Variants in VPS13A observed in about 807,000 individuals in gnomAD.
VPS13A encodes the protein vacuolar protein sorting 13 homolog A.
VPS13A carries 264 observed loss-of-function variants against 390.9 expected under a neutral mutation model. The observed-to-expected ratio is 0.68, with a 90% CI of 0.61 to 0.75. The LOEUF (loss-of-function observed/expected upper bound fraction) is 0.75. Among genes scored for constraint, VPS13A ranks in the 30% least tolerant of loss-of-function variants. The pLI is 0.00. For missense variants in VPS13A, 3,409 were observed against 3,733.9 expected (o/e 0.91, Z 2.27); for synonymous variants, 1,231 against 1,227.1 (o/e 1.00, Z -0.07).
At chr9:77,371,617 T>A (rs1832754704) in intron 67 of VPS13A, among the ~76,000 whole-genome samples, 1 of 152,058 alleles carries the variant, frequency 6.6e-6, no homozygotes, top group Admixed American at 6.6e-5. Flanking sequence ...AGCACTACAA[T>A]ATGGCAGGTT....
intron 10 of VPS13A, among the ~76,000 whole-genome samples, chr9:77,218,075 A>G (rs1418203798): frequency 6.8e-6 from 1 of 147,998 alleles, no homozygotes; most frequent in Non-Finnish European, 1.5e-5. Flanking sequence ...GGCCATTTGC[A>G]TATCTTCTTT....
At chr9:77,299,113 T>A (rs1468744631) in intron 33 of VPS13A, among the ~76,000 whole-genome samples, 1 of 152,224 alleles carries the variant, frequency 6.6e-6, no homozygotes, top group Admixed American at 6.5e-5. Context: ...TTTCCATTGG[T>A]CTATATATCC....
chr9:77,185,153 T>C (rs1424382917), intron 1 of VPS13A, among the ~76,000 whole-genome samples: 3 of 151,912 alleles, frequency 2.0e-5, no homozygotes, highest in Non-Finnish European at 2.9e-5. Flanking sequence ...ATCTCTTTTT[T>C]TTTTTTTGAG....
intron 16 of VPS13A, among the ~76,000 whole-genome samples, chr9:77,227,880 T>C (rs1412865591): frequency 1.3e-5 from 2 of 152,016 alleles, no homozygotes; most frequent in African/African-American, 4.8e-5. Context: ...TTTAATCCTT[T>C]CAAAAATATA....
chr9:77,368,137 G>T lies in VPS13A; in HGVS notation c.8553+1G>T, dbSNP rs1280579786. On this transcript the variant is annotated splice_donor_variant, in intron 62 of 71. Transcript: ENST00000360280. LOFTEE classifies it high-confidence loss of function. Reference sequence around the variant, plus strand: ...AGTCATAAGACACTATTCAAAACAGGTTTGTCTAAGATTATATTACAGAGG... The same window carrying T: ...AGTCATAAGACACTATTCAAAACAGTTTTGTCTAAGATTATATTACAGAGG... The T allele has an allele frequency of 1.2e-6, 2 of 1,609,058 alleles. No homozygotes were observed.
intron 67 of VPS13A, among the ~76,000 whole-genome samples, chr9:77,373,797 A>G (rs1056060522): frequency 2.0e-5 from 3 of 151,796 alleles, no homozygotes; most frequent in Non-Finnish European, 2.9e-5. Flanking sequence ...CAAGAAAAAA[A>G]CAAACAACCC....
chr9:77,343,037 C>CT (rs1409053792), intron 50 of VPS13A, among the ~76,000 whole-genome samples: 1 of 152,162 alleles, frequency 6.6e-6, no homozygotes, highest in Admixed American at 6.5e-5. Flanking sequence ...TGTGAAGTGA[C>CT]TATACCCTTG....
intron 45 of VPS13A, among the ~76,000 whole-genome samples, chr9:77,331,491 T>G (rs534532452): frequency 6.6e-6 from 1 of 152,170 alleles, no homozygotes; most frequent in East Asian, 1.9e-4. Flanking sequence ...ATCTGTTTAT[T>G]GGTCAGTTTT....
chr9:77,215,529 A>T (rs1443337280), intron 10 of VPS13A, among the ~76,000 whole-genome samples: 1 of 152,196 alleles, frequency 6.6e-6, no homozygotes, highest in Admixed American at 6.5e-5. Flanking sequence ...TTGTTGTATC[A>T]GAGTTCAGTG....
chr9:77,408,539 T>C (rs1834740006), intron 71 of VPS13A, among the ~76,000 whole-genome samples: 1 of 152,188 alleles, frequency 6.6e-6, no homozygotes. Context: ...TTCCCTTTCC[T>C]AGTCAAAGAA....
chr9:77,192,866 C>T (rs1472605728), intron 1 of VPS13A, among the ~76,000 whole-genome samples: 5 of 152,016 alleles, frequency 3.3e-5, no homozygotes, highest in Non-Finnish European at 5.9e-5. Context: ...CTATGAATTT[C>T]CTGAATTTGC....
chr9:77,312,471 G>A (rs890446564), intron 35 of VPS13A, among the ~76,000 whole-genome samples: 2 of 150,832 alleles, frequency 1.3e-5, no homozygotes, highest in African/African-American at 4.9e-5. Flanking sequence ...TTGTCACCCA[G>A]GCTGGAGTGC....
rs1197753597 is a variant in VPS13A, at chr9:77,419,392, T to C, written c.*3386T>C. The C allele has an allele frequency of 1.3e-5, 2 of 152,318 alleles. No individual in the cohort carries two copies. The highest frequency in any genetic ancestry group is 2.1e-4 in the South Asian group (1 of 4,828). 9.4% of individuals were successfully genotyped at this position (152,318 alleles called of 1,614,324 possible). On this transcript the variant is annotated 3_prime_UTR_variant, in exon 72 of 72. Coordinates refer to ENST00000360280, the MANE Select transcript of VPS13A (RefSeq NM_033305.3). ...GTATACTGGGTCACAATATAAAGTG[T>C]TTCCTGTTATGAAATGCAATTTAAA...
intron 24 of VPS13A, 39 bp downstream of exon 24, chr9:77,273,403 T>A: frequency 6.8e-7 from 1 of 1,476,672 alleles, no homozygotes; most frequent in Non-Finnish European, 9.2e-7. Context: ...TCTTATTTTA[T>A]TAAAATAATT....
At chr9:77,382,138 T>A (rs1195695889) in intron 68 of VPS13A, 51 bp downstream of exon 68, 1 of 1,470,842 alleles carries the variant, frequency 6.8e-7, no homozygotes. Flanking sequence ...CAAGTTAGAT[T>A]TTTTTTAAGT....
At chr9:77,403,140 A>T (rs1455703230) in intron 68 of VPS13A, 96 bp from the exon 69 acceptor site, 2 of 817,504 alleles carry the variant, frequency 2.4e-6, no homozygotes, top group Non-Finnish European at 2.1e-6. Context: ...GGTTTGCCCC[A>T]TTGAGAAATG....
chr9:77,307,030 C>T (rs568740891), intron 34 of VPS13A, among the ~76,000 whole-genome samples: 2 of 152,028 alleles, frequency 1.3e-5, no homozygotes, highest in East Asian at 3.9e-4. Flanking sequence ...CTTCAGCCAC[C>T]TGAGTAGCTG....
chr9:77,331,353 G>C (rs1830265539), intron 45 of VPS13A, among the ~76,000 whole-genome samples: 1 of 151,930 alleles, frequency 6.6e-6, no homozygotes, highest in South Asian at 2.1e-4. Flanking sequence ...GTGAGTTCCT[G>C]TTCACATCAT....
chr9:77,375,108 A>C (rs180758978), intron 67 of VPS13A, among the ~76,000 whole-genome samples: 17 of 152,270 alleles, frequency 1.1e-4, no homozygotes, highest in Middle Eastern at 3.4e-3. Context: ...AAGTCAATGA[A>C]ACGTAAGGAA....
Sources: allele counts gnomAD v4.1 joint callset (sites outside exome capture counted in the v4.1 genomes callset), GRCh38; gene constraint gnomAD v4.1.1; transcripts MANE v1.5; gene names NCBI Gene and HGNC (gene_info 2026-07-23, HGNC 2026-07-21).